MACROD2: variants seen among roughly 807,000 people sequenced by gnomAD.
MACROD2 encodes the protein mono-ADP ribosylhydrolase 2.
Under a neutral mutation model 70.4 loss-of-function variants are expected in MACROD2, and 36 were observed. The observed-to-expected ratio is 0.51, with a 90% CI of 0.39 to 0.68. The LOEUF (loss-of-function observed/expected upper bound fraction) is 0.68. Ranked by LOEUF, MACROD2 falls within the 30% of genes least tolerant of loss-of-function variation. The pLI is 0.00. For synonymous variants in MACROD2, 172 were observed against 178.8 expected (o/e 0.96, Z 0.30); for missense variants, 496 against 538.4 (o/e 0.92, Z 0.78).
At chr20:14,181,706 G>T (rs951137566) in intron 3 of MACROD2, among the ~76,000 whole-genome samples, 1 of 151,688 alleles carries the variant, frequency 6.6e-6, no homozygotes, top group African/African-American at 2.4e-5. Flanking sequence ...GGCCTCTTCT[G>T]GACATTTCAG....
intron 5 of MACROD2, among the ~76,000 whole-genome samples, chr20:14,794,885 T>G (rs1020090257): frequency 3.3e-5 from 5 of 151,860 alleles, no homozygotes; most frequent in African/African-American, 1.2e-4. Context: ...GGAAAAAAAC[T>G]GAGTTATTTT....
intron 8 of MACROD2, among the ~76,000 whole-genome samples, chr20:15,614,199 T>G (rs1036898112): frequency 2.6e-5 from 4 of 152,206 alleles, no homozygotes; most frequent in Admixed American, 2.6e-4. Flanking sequence ...CCTAACGTCA[T>G]GCCAAACAAA....
intron 5 of MACROD2, among the ~76,000 whole-genome samples, chr20:15,196,202 TAACA>T (rs747176286): frequency 6.6e-6 from 1 of 152,130 alleles, no homozygotes; most frequent in South Asian, 2.1e-4. Flanking sequence ...TTTACCTATG[TAACA>T]AACCTGCATA....
intron 3 of MACROD2, among the ~76,000 whole-genome samples, chr20:14,387,326 T>C (rs934345534): frequency 6.6e-6 from 1 of 152,224 alleles, no homozygotes; most frequent in African/African-American, 2.4e-5. Context: ...GTTAACTTGA[T>C]GAAAGCTGCA....
chr20:15,067,307 A>G (rs2075584681), intron 5 of MACROD2, among the ~76,000 whole-genome samples: 1 of 152,132 alleles, frequency 6.6e-6, no homozygotes, highest in South Asian at 2.1e-4. Context: ...GACTTTAAAA[A>G]TAATTGATTT....
intron 5 of MACROD2, among the ~76,000 whole-genome samples, chr20:14,838,325 A>G (rs1033108833): frequency 6.6e-6 from 1 of 152,156 alleles, no homozygotes; most frequent in African/African-American, 2.4e-5. Context: ...TTTATGTTAT[A>G]TTAAAAAATG....
Position 14,974,450 on chromosome 20 carries a change from C to A in MACROD2, c.419-255490C>A, listed in dbSNP as rs747144300. On this transcript the variant is annotated intron_variant, in intron 5 of 17. Coordinates refer to ENST00000684519, the MANE Select transcript of MACROD2 (RefSeq NM_001351661.2). ...CCAGAATTGGATATTCAAGAAGTGT[C>A]TATTTACAAAGGAGCCATTTCAGAA... 7.9e-5 allele frequency among the ~76,000 whole-genome samples: 12 copies of A among 152,138 alleles called. 1 individual carries two copies. Among genetic ancestry groups the A allele is most frequent in the Non-Finnish European group, 1.5e-4 (10 of 68,020 alleles).
At chr20:14,804,893 G>T (rs1308745827) in intron 5 of MACROD2, among the ~76,000 whole-genome samples, 1 of 117,866 alleles carries the variant, frequency 8.5e-6, no homozygotes, top group African/African-American at 3.1e-5. Flanking sequence ...GTGTGTGTGT[G>T]AGAGAGAGAG....
In MACROD2 at chr20:15,509,952, C is replaced by T. The variant is rs2047476899; in HGVS notation, c.645+10105C>T. ...ACACTCTGTGATTCTCCAGGCTCCT[C>T]CAGTGGCATACCAAAGATCAAGCAA... On this transcript the variant is annotated intron_variant, in intron 8 of 17. Transcript: ENST00000684519. Among the ~76,000 whole-genome samples, 3 of 152,316 alleles carry T rather than the reference C, an allele frequency of 2.0e-5. No individual in the cohort carries two copies. In the South Asian group the frequency reaches 6.2e-4, roughly 32 times the overall value.
chr20:15,317,985 AAGTT>A (rs112392292), intron 6 of MACROD2, among the ~76,000 whole-genome samples: 21 of 152,256 alleles, frequency 1.4e-4, no homozygotes, highest in African/African-American at 3.8e-4. Context: ...ATAAAACTAA[AAGTT>A]AGATCCTTGA....
intron 4 of MACROD2, among the ~76,000 whole-genome samples, chr20:14,621,285 T>C (rs1983811670): frequency 6.6e-6 from 1 of 152,110 alleles, no homozygotes; most frequent in South Asian, 2.1e-4. Context: ...TCTCTTTGCT[T>C]TGAAGTCAGC....
chr20:14,062,749 A>T (rs2053705191), intron 2 of MACROD2, among the ~76,000 whole-genome samples: 1 of 152,222 alleles, frequency 6.6e-6, no homozygotes, highest in Non-Finnish European at 1.5e-5. Context: ...GTTGGATGTG[A>T]CTTAGAGTTT....
chr20:14,194,171 G>T (rs1380139595), intron 3 of MACROD2, among the ~76,000 whole-genome samples: 1 of 152,186 alleles, frequency 6.6e-6, no homozygotes, highest in African/African-American at 2.4e-5. Flanking sequence ...GAATGTGGCT[G>T]CTCCTGAAGA....
At chr20:14,720,569 T>G (rs189508789) in intron 5 of MACROD2, among the ~76,000 whole-genome samples, 16,563 of 83,662 alleles carry the variant, frequency 0.2, 2,317 homozygotes, top group Non-Finnish European at 0.28. Flanking sequence ...TTTTTTTTTT[T>G]TGTGAGGCAG....
intron 3 of MACROD2, among the ~76,000 whole-genome samples, chr20:14,401,741 T>G (rs750593493): frequency 2.0e-5 from 3 of 150,662 alleles, no homozygotes; most frequent in Admixed American, 1.3e-4. Flanking sequence ...GATCTGTCTG[T>G]TTTTTTTTCC....
rs1157759059 is a variant in MACROD2 at position 16,051,952 on chromosome 20, A to T, written c.*2076A>T. 6.6e-6 allele frequency: 1 copy of T among 152,196 alleles called. No individual in the cohort carries two copies. Among genetic ancestry groups the T allele is most frequent in the East Asian group, 1.9e-4 (1 of 5,192 alleles). The allele number at this position is 152,196 out of a possible 1,614,324, so 9.4% of individuals were successfully genotyped here. On this transcript the variant is annotated 3_prime_UTR_variant, in exon 18 of 18. Transcript: ENST00000684519. The stretch of plus-strand genomic sequence containing the variant: ...AGGATGGAAATTATCCAGCCCTGGC[A>T]TTCTCCTTATCATCAATGACAGTCA...
At chr20:15,949,329 T>A (rs1358888712) in intron 12 of MACROD2, among the ~76,000 whole-genome samples, 1 of 152,146 alleles carries the variant, frequency 6.6e-6, no homozygotes, top group Non-Finnish European at 1.5e-5. Context: ...GGCTTTAAAA[T>A]CCTAACTACC....
chr20:14,777,886 T>A (rs756344556), intron 5 of MACROD2, among the ~76,000 whole-genome samples: 3 of 151,942 alleles, frequency 2.0e-5, no homozygotes, highest in Non-Finnish European at 4.4e-5. Flanking sequence ...AAATATGAGA[T>A]CTTGTGTTAA....
intron 3 of MACROD2, among the ~76,000 whole-genome samples, chr20:14,224,012 CA>C (rs1238318419): frequency 6.6e-6 from 1 of 152,160 alleles, no homozygotes; most frequent in African/African-American, 2.4e-5. Context: ...CCCTCTGCCT[CA>C]GGGGCGGTGA....
Sources: allele counts gnomAD v4.1 joint callset (sites outside exome capture counted in the v4.1 genomes callset), GRCh38; gene constraint gnomAD v4.1.1; transcripts MANE v1.5; gene names NCBI Gene and HGNC (gene_info 2026-07-23, HGNC 2026-07-21).